PCDHGA4: variants seen among roughly 807,000 people sequenced by gnomAD.
PCDHGA4 encodes protocadherin gamma subfamily A, 4.
In PCDHGA4, 38 loss-of-function variants were observed where a neutral mutation model predicts 54.6. The observed-to-expected ratio is 0.70, with a 90% confidence interval of 0.54 to 0.91. PCDHGA4 has a LOEUF of 0.91. Among genes scored for constraint, PCDHGA4 ranks in the 40% least tolerant of loss-of-function variants. The pLI is 0.00. For missense variants in PCDHGA4, 1,298 were observed against 1,220.9 expected (o/e 1.06, Z -0.94); for synonymous variants, 511 against 512.9 (o/e 1.00, Z 0.05).
Position 141,486,178 on chromosome 5 carries a change from C to T in PCDHGA4, c.2515-8629C>T, listed in dbSNP as rs767840363. The T allele has an allele frequency of 1.1e-5, 17 of 1,614,076 alleles. No homozygotes were observed. The highest frequency in any genetic ancestry group is 1.4e-5 in the Non-Finnish European group (16 of 1,180,038). ...CTCCAGCCATGGAGCAACATTGCAG[C>T]CTTCGAGTGGATCTGCTGGACGTAA... On this transcript the variant is annotated intron_variant, in intron 1 of 3. Coordinates refer to ENST00000571252, the MANE Select transcript of PCDHGA4 (RefSeq NM_018917.4). The surrounding 1 kb of genome is among the most constrained non-coding windows in gnomAD (Gnocchi z 5.0).
At chr5:141,420,291 G>A in intron 1 of PCDHGA4, 1 of 1,494,346 alleles carries the variant, frequency 6.7e-7, no homozygotes, top group Non-Finnish European at 9.0e-7. Context: ...ATTTAAAAAT[G>A]TATTTAATCC....
At position 141,420,019 on chromosome 5, in the gene PCDHGA4, C is replaced by T. The variant is rs2096459006; in HGVS notation, c.2514+62398C>T. 13 of 1,614,072 alleles carry T rather than the reference C, an allele frequency of 8.1e-6. No homozygotes were observed. In the East Asian group the frequency reaches 2.7e-4, roughly 33 times the overall value. On this transcript the variant is annotated intron_variant, in intron 1 of 3. Coordinates refer to ENST00000571252, the MANE Select transcript of PCDHGA4 (RefSeq NM_018917.4). ...CTCTACGCCTGCGACAGTCTTTCAGCCCTACTGCAGGAGACTGCTTTGAGT... is the reference window on the plus strand; with the variant it reads ...CTCTACGCCTGCGACAGTCTTTCAGTCCTACTGCAGGAGACTGCTTTGAGT...
rs756993242 is a variant in PCDHGA4 at position 141,432,265 on chromosome 5, G to T, written c.2515-62542G>T. 2.5e-6 allele frequency: 4 copies of T among 1,614,210 alleles called. No homozygotes were observed. The South Asian group carries it at 3.3e-5, about 13-fold the overall frequency. ...ACACCATCCAAGGGGCAAGCCTATC[G>T]TCCTACGTGTCCATCAACTCCGACA... On this transcript the variant is annotated intron_variant, in intron 1 of 3. Coordinates refer to ENST00000571252, the MANE Select transcript of PCDHGA4 (RefSeq NM_018917.4). This position sits in a 1 kb window ranked among gnomAD's most constrained non-coding sequence, Gnocchi z 6.0.
At position 141,379,404 on chromosome 5, in the gene PCDHGA4, G is replaced by C. The variant is rs146281241; in HGVS notation, c.2514+21783G>C. ...ACAATTTTAAACAACTTGAATCTTGGATATTAGTCTCATGAGTTAGATGGG... is the reference window on the plus strand; with the variant it reads ...ACAATTTTAAACAACTTGAATCTTGCATATTAGTCTCATGAGTTAGATGGG... On this transcript the variant is annotated intron_variant, in intron 1 of 3. Coordinates refer to ENST00000571252, the MANE Select transcript of PCDHGA4 (RefSeq NM_018917.4). 549 of 152,154 alleles carry C rather than the reference G, an allele frequency of 3.6e-3. 6 individuals are homozygous for C. Among genetic ancestry groups the C allele is most frequent in the African/African-American group, 0.012 (518 of 41,502 alleles). 9.4% of individuals were successfully genotyped at this position (152,154 alleles called of 1,614,324 possible). A position where few individuals can be genotyped will look rare whatever the true frequency, so the allele number is the denominator to read the frequency against.
In PCDHGA4 at chr5:141,477,191, A is replaced by G; in HGVS notation, c.2515-17616A>G. ...GGAGATCACAGTCACCTCCGTGTACAGCCCAGTACCCGAGGATGCCCCTCT... is the reference window on the plus strand; with the variant it reads ...GGAGATCACAGTCACCTCCGTGTACGGCCCAGTACCCGAGGATGCCCCTCT... On this transcript the variant is annotated intron_variant, in intron 1 of 3. Transcript: ENST00000571252. This position sits in a 1 kb window ranked among gnomAD's most constrained non-coding sequence, Gnocchi z 4.9. 5.0e-6 allele frequency: 8 copies of G among 1,614,210 alleles called. No homozygotes were observed. The highest frequency in any genetic ancestry group is 6.8e-6 in the Non-Finnish European group (8 of 1,180,044).
chr5:141,376,529 C>A (rs536041905), intron 1 of PCDHGA4: 2 of 1,613,656 alleles, frequency 1.2e-6, no homozygotes, highest in Non-Finnish European at 1.7e-6. Context: ...TCCGCCTAAG[C>A]GGGAAGAGTA....
Position 141,438,011 on chromosome 5 carries a change from G to T in PCDHGA4, c.2515-56796G>T, listed in dbSNP as rs189978786. On this transcript the variant is annotated intron_variant, in intron 1 of 3. Coordinates refer to ENST00000571252, the MANE Select transcript of PCDHGA4 (RefSeq NM_018917.4). ...CCACCTCAGCCTCCCAAATAGCTGAGATTACAGGTGTGAGCCACCATGCCC... is the reference window on the plus strand; with the variant it reads ...CCACCTCAGCCTCCCAAATAGCTGATATTACAGGTGTGAGCCACCATGCCC... 2.8e-3 allele frequency among the ~76,000 whole-genome samples: 432 copies of T among 152,220 alleles called. 1 individual carries two copies. The highest frequency in any genetic ancestry group is 0.021 in the Admixed American group (318 of 15,288).
At position 141,372,147 on chromosome 5, in the gene PCDHGA4, G is replaced by A. The variant is rs374383984; in HGVS notation, c.2514+14526G>A. ...TATGGTGCCGCGCTCTGCAGAGCCT[G>A]GCTACCTGGTGACCAAGGTGGTGGC... On this transcript the variant is annotated intron_variant, in intron 1 of 3. Coordinates refer to ENST00000571252, the MANE Select transcript of PCDHGA4 (RefSeq NM_018917.4). 52 of 1,613,776 alleles carry A rather than the reference G, an allele frequency of 3.2e-5. No homozygotes were observed. In the Middle Eastern group the frequency reaches 5.0e-4, roughly 15 times the overall value.
chr5:141,376,399 GC>G, intron 1 of PCDHGA4: 4 of 1,614,182 alleles, frequency 2.5e-6, no homozygotes, highest in Non-Finnish European at 3.4e-6. Context: ...TTTTCCCCCA[GC>G]CCAACTATGC....
rs1201687366 is a variant in PCDHGA4 at position 141,356,803 on chromosome 5, A to G, written c.1696A>G (p.Ser566Gly). 2 of 1,614,078 alleles carry G rather than the reference A, an allele frequency of 1.2e-6. No homozygotes were observed. Among genetic ancestry groups the G allele is most frequent in the Admixed American group, 3.3e-5 (2 of 60,036 alleles). Reference sequence around the variant, plus strand: ...AGACCTGCAGCTGCTGATGACAGCCAGTGACAGTGGAGACCCTCCACTCAG... The same window carrying G: ...AGACCTGCAGCTGCTGATGACAGCCGGTGACAGTGGAGACCCTCCACTCAG... ...FRDLQLLMTASDSGDPPLSSN... is the reference protein window; with the variant it reads ...FRDLQLLMTAGDSGDPPLSSN... Residue 566 changes from serine (S) to glycine (G), a missense_variant, in exon 1 of 4, where the codon AGT (serine) becomes GGT (glycine). Ser to Gly is a moderately conservative substitution (Grantham distance 56). Transcript: ENST00000571252.
intron 1 of PCDHGA4, chr5:141,399,986 G>A (rs1400468651): frequency 6.2e-7 from 1 of 1,612,408 alleles, no homozygotes; most frequent in East Asian, 2.2e-5. Context: ...CTGCGCACAG[G>A]AGAGGTGCGC....
intron 1 of PCDHGA4, chr5:141,371,943 C>T: frequency 6.2e-7 from 1 of 1,613,302 alleles, no homozygotes; most frequent in Non-Finnish European, 8.5e-7. Context: ...GGTGTTCGCG[C>T]AGCGAGCCTT....
Position 141,355,099 on chromosome 5 carries a change from T to C in PCDHGA4, c.-9T>C. 2 of 1,497,570 alleles carry C rather than the reference T, an allele frequency of 1.3e-6. No homozygotes were observed. The highest frequency in any genetic ancestry group is 8.9e-7 in the Non-Finnish European group (1 of 1,123,820). 92.8% of individuals were successfully genotyped at this position (1,497,570 alleles called of 1,614,324 possible). A position where few individuals can be genotyped will look rare whatever the true frequency, so the allele number is the denominator to read the frequency against. ...CTTCAAGCGGAAGCCCTGAGAGCTC[T>C]GGCTGTGAATGCACTTTATTTTGGA... On this transcript the variant is annotated 5_prime_UTR_variant, in exon 1 of 4. Coordinates refer to ENST00000571252, the MANE Select transcript of PCDHGA4 (RefSeq NM_018917.4).
In PCDHGA4 at chr5:141,502,866, C is replaced by CTTTTTTTTTTTTTTTTT. The variant is rs549047197; in HGVS notation, c.2574-2513_2574-2512insTTTTTTTTTTTTTTTTT. Among the ~76,000 whole-genome samples the CTTTTTTTTTTTTTTTTT allele has an allele frequency of 3.1e-5, 4 of 128,046 alleles. 1 individual carries two copies. 84.0% of individuals were successfully genotyped at this position (128,046 alleles called of 152,430 possible). A position where few individuals can be genotyped will look rare whatever the true frequency, so the allele number is the denominator to read the frequency against. ...GAGCTGCCTAACCCTGACTCTCTGTCTTTTTTTTTTTTTTGACAGGGAGTC... is the reference window on the plus strand; with the variant it reads ...GAGCTGCCTAACCCTGACTCTCTGTCTTTTTTTTTTTTTTTTTTTTTTTTTTTTTTTGACAGGGAGTC... On this transcript the variant is annotated intron_variant, in intron 2 of 3. Transcript: ENST00000571252.
At chr5:141,362,507 C>G in intron 1 of PCDHGA4, 1 of 1,613,994 alleles carries the variant, frequency 6.2e-7, no homozygotes, top group Non-Finnish European at 8.5e-7. Context: ...GAACAAAATA[C>G]AAATCATGGA....
In PCDHGA4 at chr5:141,357,450, G is replaced by C. The variant is rs541013509; in HGVS notation, c.2343G>C (p.Leu781=). The part of the protein sequence containing the change: ...FVGVDGVRAF[L]QTYSHEVSLT... ...GCGTGGACGGGGTTCGGGCTTTCCT[G>C]CAGACCTATTCCCACGAGGTCTCCC... is the stretch of plus-strand genomic sequence containing the variant. The change falls in exon 1 of 4, where the codon CTG becomes CTC. Residue 781 remains leucine, a synonymous_variant. Coordinates refer to ENST00000571252, the MANE Select transcript of PCDHGA4 (RefSeq NM_018917.4). The C allele has an allele frequency of 2.5e-6, 4 of 1,614,196 alleles. No homozygotes were observed. In the South Asian group the frequency reaches 4.4e-5, roughly 18 times the overall value.
In PCDHGA4 at chr5:141,356,553, T is replaced by C. The variant is rs987125260; in HGVS notation, c.1446T>C (p.Thr482=). ...QVMDINDNPP[T]FPHASYSAYI... The stretch of plus-strand genomic sequence containing the variant: ...TGGACATCAATGACAACCCACCCAC[T>C]TTCCCTCATGCTTCCTACTCTGCTT... The change falls in exon 1 of 4, where the codon ACT becomes ACC. Residue 482 remains threonine, a synonymous_variant. Coordinates refer to ENST00000571252, the MANE Select transcript of PCDHGA4 (RefSeq NM_018917.4). The C allele has an allele frequency of 1.2e-6, 2 of 1,614,138 alleles. No individual in the cohort carries two copies. The highest frequency in any genetic ancestry group is 3.3e-5 in the Admixed American group (2 of 60,022).
At chr5:141,428,187 C>A in intron 1 of PCDHGA4, 1 of 1,439,502 alleles carries the variant, frequency 6.9e-7, no homozygotes, top group Non-Finnish European at 9.6e-7. Flanking sequence ...GGACAGCCGC[C>A]GCTCTCTGCG....
intron 3 of PCDHGA4, among the ~76,000 whole-genome samples, chr5:141,507,582 T>G (rs1221383898): frequency 6.6e-6 from 1 of 152,264 alleles, no homozygotes; most frequent in Non-Finnish European, 1.5e-5. Flanking sequence ...AGATGCCAAG[T>G]TGGCCTCTTG....
Sources: gnomAD v4.1 joint callset for allele counts (sites outside exome capture counted in the v4.1 genomes callset) on GRCh38, gnomAD v4.1.1 for gene constraint, Gnocchi (gnomAD v3.1) non-coding constraint, MANE v1.5 for transcripts, NCBI Gene and HGNC (gene_info 2026-07-23, HGNC 2026-07-21) for gene names.